DSCAM: variants seen among roughly 807,000 people sequenced by gnomAD.
DSCAM encodes the protein cell adhesion molecule DSCAM.
A neutral mutation model predicts 217.7 loss-of-function variants in DSCAM; 47 were observed. The observed-to-expected ratio is 0.22, with a 90% CI of 0.17 to 0.28. The LOEUF is 0.28. DSCAM is among the 10% of genes least tolerant of loss of function. DSCAM has a pLI of 1.00. For synonymous variants in DSCAM, 1,056 were observed against 1,015.3 expected (o/e 1.04, Z -0.76); for missense variants, 2,080 against 2,618.3 (o/e 0.79, Z 4.49).
At chr21:40,042,727 C>T (rs2088776332) in intron 31 of DSCAM, 54 bp from the exon 32 acceptor site, 1 of 1,516,002 alleles carries the variant, frequency 6.6e-7, no homozygotes, top group African/African-American at 1.4e-5. Flanking sequence ...GAAGTCTGAA[C>T]CAACGGCATG....
At chr21:40,404,394 T>C (rs2075263649) in intron 3 of DSCAM, among the ~76,000 whole-genome samples, 1 of 152,330 alleles carries the variant, frequency 6.6e-6, no homozygotes, top group East Asian at 1.9e-4. Context: ...TTTCCTAAGA[T>C]CCAGTCTCTT....
At chr21:40,330,440 C>T (rs1434704887) in intron 8 of DSCAM, among the ~76,000 whole-genome samples, 2 of 147,482 alleles carry the variant, frequency 1.4e-5, no homozygotes, top group Non-Finnish European at 3.0e-5. Flanking sequence ...CATAATGAAA[C>T]CAATCTTACA....
chr21:40,324,139 AAAAG>A (rs1376993639), intron 8 of DSCAM, among the ~76,000 whole-genome samples: 1 of 150,400 alleles, frequency 6.6e-6, no homozygotes, highest in African/African-American at 2.4e-5. Flanking sequence ...AAAGAAAAAA[AAAAG>A]AGAGAGAGAG....
chr21:40,564,531 T>C (rs530029603), intron 3 of DSCAM, among the ~76,000 whole-genome samples: 1 of 152,266 alleles, frequency 6.6e-6, no homozygotes, highest in South Asian at 2.1e-4. Context: ...TTGACCTGTT[T>C]TGGGGCATGG....
intron 8 of DSCAM, among the ~76,000 whole-genome samples, chr21:40,317,171 C>A (rs529199375): frequency 6.6e-6 from 1 of 152,318 alleles, no homozygotes; most frequent in South Asian, 2.1e-4. Context: ...AGGCTGTGAG[C>A]AGGTGGGAGT....
At chr21:40,080,387 A>G (rs779626679) in intron 24 of DSCAM, 47 bp from the exon 25 acceptor site, 2 of 1,476,834 alleles carry the variant, frequency 1.4e-6, no homozygotes, top group East Asian at 2.4e-5. Context: ...TTTGCTTTCT[A>G]TGGGAAGTGG....
chr21:40,617,920 C>T (rs1180112725), intron 3 of DSCAM, among the ~76,000 whole-genome samples: 1 of 152,198 alleles, frequency 6.6e-6, no homozygotes, highest in Non-Finnish European at 1.5e-5. Context: ...TGTTCCAACG[C>T]GAAGCAGGCA....
chr21:40,262,798 G>A (rs2073471395), intron 11 of DSCAM, among the ~76,000 whole-genome samples: 1 of 152,198 alleles, frequency 6.6e-6, no homozygotes, highest in Admixed American at 6.5e-5. Flanking sequence ...CCAGCTCAGA[G>A]GCTTGGCTGA....
At chr21:40,820,994 T>A in intron 1 of DSCAM, among the ~76,000 whole-genome samples, 1 of 151,722 alleles carries the variant, frequency 6.6e-6, no homozygotes, top group African/African-American at 2.4e-5. Flanking sequence ...TATATATATA[T>A]GTATGAACTG....
At chr21:40,377,260 T>C (rs1209241993) in intron 3 of DSCAM, among the ~76,000 whole-genome samples, 1 of 152,078 alleles carries the variant, frequency 6.6e-6, no homozygotes, top group Non-Finnish European at 1.5e-5. Flanking sequence ...CTTGCCCCAG[T>C]TTATACAACT....
At chr21:40,316,114 A>G (rs2074193672) in intron 8 of DSCAM, among the ~76,000 whole-genome samples, 1 of 152,200 alleles carries the variant, frequency 6.6e-6, no homozygotes, top group South Asian at 2.1e-4. Context: ...AATATTTTAA[A>G]ACATATCTAC....
At chr21:40,632,413 A>T (rs1014760995) in intron 3 of DSCAM, among the ~76,000 whole-genome samples, 2 of 152,174 alleles carry the variant, frequency 1.3e-5, no homozygotes, top group Admixed American at 1.3e-4. Context: ...ACACAAATGT[A>T]TTAAAAGACA....
At chr21:40,227,253 G>A (rs1028452335) in intron 11 of DSCAM, among the ~76,000 whole-genome samples, 4 of 152,162 alleles carry the variant, frequency 2.6e-5, no homozygotes, top group African/African-American at 9.7e-5. Context: ...TGAGAATTCA[G>A]CACTAAAGCA....
At chr21:40,175,809 G>GCACGCACA (rs1186734654) in intron 15 of DSCAM, among the ~76,000 whole-genome samples, 1 of 80,536 alleles carries the variant, frequency 1.2e-5, no homozygotes, top group Admixed American at 1.1e-4. Context: ...ACACACACAC[G>GCACGCACA]CACACACACA....
rs147864155 is a variant in DSCAM at position 40,487,858 on chromosome 21, G to C, written c.509-118613C>G. On this transcript the variant is annotated intron_variant, in intron 3 of 32. Coordinates refer to ENST00000400454, the MANE Select transcript of DSCAM (RefSeq NM_001389.5). ...ATTCACTGAGATAAGGAGCACAGGA[G>C]AGAGAAGAGAGTTGTAGCCAGCATA... 7.3e-3 allele frequency among the ~76,000 whole-genome samples: 1,111 copies of C among 152,298 alleles called. 10 individuals are homozygous for C. The highest frequency in any genetic ancestry group is 0.011 in the Non-Finnish European group (732 of 68,016).
chr21:40,032,532 T>A (rs2088546568), intron 32 of DSCAM, among the ~76,000 whole-genome samples: 1 of 152,156 alleles, frequency 6.6e-6, no homozygotes, highest in Admixed American at 6.5e-5. Context: ...CATTATTTAT[T>A]TAGGGTTTTT....
chr21:40,749,708 C>T (rs2091208607), intron 1 of DSCAM, among the ~76,000 whole-genome samples: 1 of 152,140 alleles, frequency 6.6e-6, no homozygotes, highest in South Asian at 2.1e-4. Context: ...TATGAGCCAG[C>T]AGTCCCATTA....
chr21:40,102,773 A>G (rs1020370889), intron 20 of DSCAM, among the ~76,000 whole-genome samples: 2 of 152,236 alleles, frequency 1.3e-5, no homozygotes, highest in African/African-American at 2.4e-5. Flanking sequence ...CTTAGCTTGT[A>G]GCTGCACTTG....
At position 40,116,973 on chromosome 21, in the gene DSCAM, G is replaced by C. The variant is rs578130051; in HGVS notation, c.3696+7222C>G. The stretch of plus-strand genomic sequence containing the variant: ...GCCGAGATCGCACCATTGCACTCCA[G>C]CCTGGGTGACAGAGTGAGACTCTGT... On this transcript the variant is annotated intron_variant, in intron 20 of 32. Transcript: ENST00000400454. 2.8e-4 allele frequency among the ~76,000 whole-genome samples: 33 copies of C among 118,952 alleles called. 1 individual carries two copies. The highest frequency in any genetic ancestry group is 4.6e-4 in the Non-Finnish European group (29 of 62,434). The allele number at this position is 118,952 out of a possible 152,430, so 78.0% of individuals were successfully genotyped here. A position where few individuals can be genotyped will look rare whatever the true frequency, so the allele number is the denominator to read the frequency against.
Sources: allele counts gnomAD v4.1 joint callset (sites outside exome capture counted in the v4.1 genomes callset), GRCh38; gene constraint gnomAD v4.1.1; transcripts MANE v1.5; gene names NCBI Gene and HGNC (gene_info 2026-07-23, HGNC 2026-07-21).